Variants in ATIC observed in about 807,000 individuals in gnomAD.
ATIC encodes the protein bifunctional purine biosynthesis protein ATIC.
Under a neutral mutation model 72.5 loss-of-function variants are expected in ATIC, and 64 were observed. The observed-to-expected ratio is 0.88, with a 90% CI of 0.72 to 1.09. The LOEUF (loss-of-function observed/expected upper bound fraction) is 1.09. ATIC is among the 50% of genes least tolerant of loss of function. The pLI is 0.00. For synonymous variants in ATIC, 281 were observed against 267.1 expected, an observed-to-expected ratio of 1.05 and a Z score of -0.51; for missense variants, 787 against 732.4, an observed-to-expected ratio of 1.07 and a Z score of -0.86.
intron 2 of ATIC, 92 bp downstream of exon 2, chr2:215,312,716 A>T: frequency 6.3e-7 from 1 of 1,578,142 alleles, no homozygotes; most frequent in Non-Finnish European, 8.7e-7. Flanking sequence ...CGCCTTATTT[A>T]CTCCTCCCAG....
downstream of ATIC, among the ~76,000 whole-genome samples, chr2:215,353,521 A>G (rs2053145898): frequency 6.6e-6 from 1 of 152,006 alleles, no homozygotes; most frequent in Non-Finnish European, 1.5e-5. Flanking sequence ...TGTGTGATGA[A>G]GCTTCTGAGA....
intron 2 of ATIC, among the ~76,000 whole-genome samples, chr2:215,316,391 A>C (rs1417317891): frequency 2.0e-5 from 3 of 152,178 alleles, no homozygotes; most frequent in Non-Finnish European, 4.4e-5. Flanking sequence ...CCTTAACAGG[A>C]GAATCTACCC....
the ATIC span, chr2:215,365,467 G>A: frequency 6.2e-7 from 1 of 1,603,596 alleles, no homozygotes; most frequent in Non-Finnish European, 8.5e-7. Flanking sequence ...AAGTGAGAAT[G>A]CTTAATAAGG....
In ATIC at chr2:215,321,065, T is replaced by G. The variant is rs2052761451; in HGVS notation, c.290+1334T>G. ...GAGAGGACACACATCCAAACCATATTAATTGCCACATCCAATATTAAAACA... is the reference window on the plus strand; with the variant it reads ...GAGAGGACACACATCCAAACCATATGAATTGCCACATCCAATATTAAAACA... On this transcript the variant is annotated intron_variant, in intron 4 of 15. Transcript: ENST00000236959. Among the ~76,000 whole-genome samples, 4 of 152,174 alleles carry G rather than the reference T, an allele frequency of 2.6e-5. 1 individual carries two copies. The South Asian group carries it at 8.3e-4, about 32-fold the overall frequency.
intron 11 of ATIC, among the ~76,000 whole-genome samples, chr2:215,338,268 A>C (rs1446633470): frequency 1.3e-5 from 2 of 152,230 alleles, no homozygotes; most frequent in African/African-American, 4.8e-5. Flanking sequence ...GCAAAGACAC[A>C]GATTACAAAT....
chr2:215,335,026 T>C, intron 10 of ATIC, 22 bp downstream of exon 10: 3 of 1,554,776 alleles, frequency 1.9e-6, no homozygotes, highest in Non-Finnish European at 2.7e-6. Context: ...TTCATGTATC[T>C]TAATCTGTGT....
rs546294920 is a variant in ATIC at position 215,347,074 on chromosome 2, T to C, written c.1503+133T>C. 1.4e-4 allele frequency: 161 copies of C among 1,154,848 alleles called. 2 individuals carry two copies. The highest frequency in any genetic ancestry group is 1.4e-3 in the African/African-American group (90 of 65,016). 71.5% of individuals were successfully genotyped at this position (1,154,848 alleles called of 1,614,324 possible). The stretch of plus-strand genomic sequence containing the variant: ...GAAATTCTATGTTGTCTAAAATTGA[T>C]CATTGAAACTTCTTACACATTTCTC... On this transcript the variant is annotated intron_variant, in intron 14 of 15. Transcript: ENST00000236959.
In ATIC at chr2:215,349,167, A is replaced by C. The variant is rs1318871971; in HGVS notation, c.1577A>C (p.Glu526Ala). 6.2e-7 allele frequency: 1 copy of C among 1,614,110 alleles called. No individual in the cohort carries two copies. The highest frequency in any genetic ancestry group is 8.5e-7 in the Non-Finnish European group (1 of 1,179,998). Residue 526 changes from glutamate (E) to alanine (A), a missense_variant, in exon 15 of 16, where the codon GAA (glutamate) becomes GCA (alanine). Physicochemically the swap from Glu to Ala is moderately radical, Grantham distance 107 (BLOSUM62 -1). Transcript: ENST00000236959. ...TTACTCACTGAGGCAGAGAAGAAGGAATGGGTTGAGAAACTGACTGAAGTT... is the reference window on the plus strand; with the variant it reads ...TTACTCACTGAGGCAGAGAAGAAGGCATGGGTTGAGAAACTGACTGAAGTT... The part of the protein sequence containing the change: ...PELLTEAEKK[E>A]WVEKLTEVSI...
chr2:215,359,205 A>G, the ATIC span, among the ~76,000 whole-genome samples: 2 of 152,126 alleles, frequency 1.3e-5, no homozygotes, highest in African/African-American at 4.8e-5. Flanking sequence ...TTTTAGGGTA[A>G]ATATTTTTAG....
At chr2:215,312,233 C>T in intron 1 of ATIC, 72 bp downstream of exon 1, 1 of 1,440,438 alleles carries the variant, frequency 6.9e-7, no homozygotes, top group African/African-American at 1.5e-5. Context: ...TTGGCGGCGG[C>T]CGGCGGGACC....
In ATIC at chr2:215,318,878, ATC is replaced by A. The variant is rs200123371; in HGVS notation, c.223+651_223+652del. Among the ~76,000 whole-genome samples the A allele has an allele frequency of 5.0e-3, 765 of 151,488 alleles. 6 individuals carry two copies. Among genetic ancestry groups the A allele is most frequent in the African/African-American group, 0.018 (728 of 41,000 alleles). ...ACTGAAGAAAAAGATTTTTAAATATATCTCTCTTTTTTTTTTTTGAGACAGGA... is the reference window on the plus strand; with the variant it reads ...ACTGAAGAAAAAGATTTTTAAATATATCTCTTTTTTTTTTTTGAGACAGGA... On this transcript the variant is annotated intron_variant, in intron 3 of 15. Coordinates refer to ENST00000236959, the MANE Select transcript of ATIC (RefSeq NM_004044.7).
At chr2:215,354,045 A>G (rs979158425), downstream of ATIC, among the ~76,000 whole-genome samples, 9 of 151,268 alleles carry the variant, frequency 5.9e-5, no homozygotes, top group African/African-American at 2.2e-4. Context: ...TTTTTGAGAC[A>G]GAGTCGTTCC....
chr2:215,327,837 A>G (rs1461335433), intron 7 of ATIC, among the ~76,000 whole-genome samples: 7 of 150,876 alleles, frequency 4.6e-5, no homozygotes, highest in Non-Finnish European at 1.0e-4. Flanking sequence ...GTGGGAGGAG[A>G]ATCTGAAAGT....
chr2:215,319,627 T>A, intron 3 of ATIC, 38 bp from the exon 4 acceptor site: 1 of 1,438,984 alleles, frequency 6.9e-7, no homozygotes, highest in East Asian at 2.3e-5. Context: ...TGACTTGTTT[T>A]TTGAAGCTAA....
At chr2:215,317,007 T>C (rs2105992278) in intron 2 of ATIC, among the ~76,000 whole-genome samples, 1 of 152,244 alleles carries the variant, frequency 6.6e-6, no homozygotes, top group Middle Eastern at 3.4e-3. Flanking sequence ...AGGTGATCCA[T>C]TCGCCTTGGC....
At chr2:215,364,275 A>G in the ATIC span, 1 of 177,734 alleles carries the variant, frequency 5.6e-6, no homozygotes, top group Middle Eastern at 2.7e-3. Context: ...GAGAGGTTAA[A>G]AGAAGTGGCA....
At chr2:215,346,645 G>C (rs984760129) in intron 13 of ATIC, 114 bp from the exon 14 acceptor site, 1 of 1,223,018 alleles carries the variant, frequency 8.2e-7, no homozygotes, top group Non-Finnish European at 1.2e-6. Flanking sequence ...ATTTTGGCCT[G>C]ATATGTTCTT....
chr2:215,319,401 G>A (rs1254062603), intron 3 of ATIC, among the ~76,000 whole-genome samples: 3 of 151,976 alleles, frequency 2.0e-5, no homozygotes, highest in African/African-American at 7.2e-5. Flanking sequence ...AGACCAGCTG[G>A]GTGTGGTGAT....
intron 1 of ATIC, 141 bp downstream of exon 1, chr2:215,312,302 G>T (rs780420306): frequency 2.1e-6 from 3 of 1,446,392 alleles, no homozygotes; most frequent in African/African-American, 1.4e-5. Context: ...CCCCGGCCGG[G>T]CCGCAGCCTG....
Sources: gnomAD v4.1 joint callset for allele counts (sites outside exome capture counted in the v4.1 genomes callset) on GRCh38, gnomAD v4.1.1 for gene constraint, MANE v1.5 for transcripts, NCBI Gene and HGNC (gene_info 2026-07-23, HGNC 2026-07-21) for gene names.